The following LYPD6 variants were observed in gnomAD, a reference collection of about 807,000 sequenced individuals.
The protein encoded by LYPD6 is LY6/PLAUR domain containing 6.
LYPD6 carries 15 observed loss-of-function variants against 22.7 expected under a neutral mutation model. That is an observed-to-expected ratio of 0.66 (90% CI 0.44 to 1.02). The LOEUF (loss-of-function observed/expected upper bound fraction) is 1.02, where lower values mean the gene tolerates loss of function less well. Ranked by LOEUF, LYPD6 falls within the 50% of genes least tolerant of loss-of-function variation. The pLI is 0.00. For synonymous variants in LYPD6, 72 were observed against 77.5 expected, an observed-to-expected ratio of 0.93 and a Z score of 0.37; for missense variants, 189 against 208.4, an observed-to-expected ratio of 0.91 and a Z score of 0.57.
intron 1 of LYPD6, among the ~76,000 whole-genome samples, chr2:149,392,205 A>G (rs1682326534): frequency 6.6e-6 from 1 of 151,864 alleles, no homozygotes; most frequent in Non-Finnish European, 1.5e-5. Context: ...AACTCATCTA[A>G]CCCTAATCAC....
intron 1 of LYPD6, among the ~76,000 whole-genome samples, chr2:149,385,719 G>C (rs1682167574): frequency 6.6e-6 from 1 of 152,206 alleles, no homozygotes; most frequent in African/African-American, 2.4e-5. Context: ...ATGGCAAAGG[G>C]GGAGGGGAAA....
chr2:149,428,388 A>C (rs1274822810), intron 1 of LYPD6, among the ~76,000 whole-genome samples: 1 of 152,148 alleles, frequency 6.6e-6, no homozygotes, highest in East Asian at 1.9e-4. Flanking sequence ...AACTGGCCAG[A>C]AATGCAAGGG....
At chr2:149,418,608 T>A (rs138731277) in intron 1 of LYPD6, among the ~76,000 whole-genome samples, 3 of 150,914 alleles carry the variant, frequency 2.0e-5, no homozygotes, top group African/African-American at 7.5e-5. Flanking sequence ...GCGCTATTTC[T>A]CAGATACCTG....
intron 1 of LYPD6, among the ~76,000 whole-genome samples, chr2:149,365,625 T>C (rs145415060): frequency 1.2e-3 from 179 of 152,312 alleles, no homozygotes; most frequent in African/African-American, 4.2e-3. Flanking sequence ...CGTTTATTTT[T>C]ATTATTGCTC....
At chr2:149,366,543 G>C (rs1207887415) in intron 1 of LYPD6, among the ~76,000 whole-genome samples, 1 of 152,176 alleles carries the variant, frequency 6.6e-6, no homozygotes, top group African/African-American at 2.4e-5. Flanking sequence ...CAGAGCCAGA[G>C]AAAAAGAACA....
chr2:149,356,670 C>T (rs1460296609), intron 1 of LYPD6, among the ~76,000 whole-genome samples: 6 of 152,036 alleles, frequency 3.9e-5, no homozygotes, highest in South Asian at 4.2e-4. Flanking sequence ...TTTTGGCATG[C>T]AGGAGGAAGT....
At chr2:149,444,024 C>T (rs1683626253) in intron 2 of LYPD6, among the ~76,000 whole-genome samples, 1 of 150,980 alleles carries the variant, frequency 6.6e-6, no homozygotes, top group Non-Finnish European at 1.5e-5. Flanking sequence ...GCCACCGCCA[C>T]CTGGGCTCAA....
At chr2:149,454,992 C>T (rs1407389714) in intron 3 of LYPD6, among the ~76,000 whole-genome samples, 2 of 152,082 alleles carry the variant, frequency 1.3e-5, no homozygotes, top group African/African-American at 4.8e-5. Flanking sequence ...GGTTTCTCAG[C>T]CTCTCCACCT....
At chr2:149,460,321 A>G (rs1681059703) in intron 3 of LYPD6, among the ~76,000 whole-genome samples, 1 of 132,374 alleles carries the variant, frequency 7.6e-6, no homozygotes, top group Non-Finnish European at 1.7e-5. Flanking sequence ...AATTAAAAGA[A>G]TGGAAAAAGA....
intron 4 of LYPD6, among the ~76,000 whole-genome samples, chr2:149,469,971 T>G (rs980723200): frequency 6.6e-6 from 1 of 152,188 alleles, no homozygotes; most frequent in Non-Finnish European, 1.5e-5. Context: ...GGAATCTTGT[T>G]AAAATGTAGT....
chr2:149,468,274 G>A (rs1681251638), intron 3 of LYPD6, among the ~76,000 whole-genome samples: 1 of 151,360 alleles, frequency 6.6e-6, no homozygotes, highest in Non-Finnish European at 1.5e-5. Flanking sequence ...GAACCTCTTT[G>A]TCCTTTCATC....
At chr2:149,484,551 A>AC in the LYPD6 span, among the ~76,000 whole-genome samples, 105,192 of 152,060 alleles carry the variant, frequency 0.69, 38,199 homozygotes, top group East Asian at 0.86. Flanking sequence ...CTCCATAGCT[A>AC]CCCCCGTAGT....
intron 4 of LYPD6, 132 bp from the exon 5 acceptor site, chr2:149,470,551 G>A (rs951354091): frequency 1.7e-5 from 12 of 705,190 alleles, no homozygotes; most frequent in Non-Finnish European, 2.6e-5. Flanking sequence ...TGAACGTAGA[G>A]TTGGCATCTC....
intron 1 of LYPD6, among the ~76,000 whole-genome samples, chr2:149,404,440 G>A (rs139800024): frequency 0.022 from 3,285 of 152,156 alleles, 102 homozygotes; most frequent in African/African-American, 0.075. Flanking sequence ...ACTTGAAGAG[G>A]TCCTTCACAT....
At chr2:149,458,266 G>A (rs62190609) in intron 3 of LYPD6, among the ~76,000 whole-genome samples, 3 of 152,166 alleles carry the variant, frequency 2.0e-5, no homozygotes, top group Admixed American at 6.5e-5. Context: ...AATGGAGACC[G>A]TGTTAGGGAG....
intron 2 of LYPD6, among the ~76,000 whole-genome samples, chr2:149,447,225 C>T (rs1037961480): frequency 2.6e-5 from 4 of 152,194 alleles, no homozygotes; most frequent in East Asian, 3.8e-4. Context: ...TGACATTCCT[C>T]GGTGATCCTC....
chr2:149,416,152 A>G (rs1682957596), intron 1 of LYPD6, among the ~76,000 whole-genome samples: 1 of 152,222 alleles, frequency 6.6e-6, no homozygotes, highest in Non-Finnish European at 1.5e-5. Context: ...TTAGCATGAC[A>G]AACTATATGC....
chr2:149,359,688 CT>C (rs1681533849), intron 1 of LYPD6, among the ~76,000 whole-genome samples: 1 of 152,124 alleles, frequency 6.6e-6, no homozygotes, highest in Non-Finnish European at 1.5e-5. Context: ...GCATTTCTTC[CT>C]GTTTTTTCTT....
intron 1 of LYPD6, among the ~76,000 whole-genome samples, chr2:149,347,918 T>C (rs1681287043): frequency 6.6e-6 from 1 of 152,006 alleles, no homozygotes; most frequent in South Asian, 2.1e-4. Flanking sequence ...CCCAGGGATA[T>C]TAAAAAATAG....
Sources: allele counts gnomAD v4.1 joint callset (sites outside exome capture counted in the v4.1 genomes callset), GRCh38; gene constraint gnomAD v4.1.1; transcripts MANE v1.5; gene names NCBI Gene and HGNC (gene_info 2026-07-23, HGNC 2026-07-21).